The following MTR variants were observed in gnomAD, a reference collection of about 807,000 sequenced individuals.
MTR encodes the protein methionine synthase.
In MTR, 84 loss-of-function variants were observed where a neutral mutation model predicts 154.8. The observed-to-expected ratio is 0.54, with a 90% CI of 0.45 to 0.65. The LOEUF (loss-of-function observed/expected upper bound fraction) is 0.65, where lower values mean the gene tolerates loss of function less well. MTR is among the 30% of genes least tolerant of loss of function. MTR has a pLI of 0.00. For missense variants in MTR, 1,275 were observed against 1,570.2 expected, an observed-to-expected ratio of 0.81 and a Z score of 3.18; for synonymous variants, 554 against 553.9, an observed-to-expected ratio of 1.00 and a Z score of 0.00.
intron 9 of MTR, 85 bp downstream of exon 9, chr1:236,824,304 G>T: frequency 8.5e-7 from 1 of 1,182,348 alleles, no homozygotes; most frequent in Non-Finnish European, 1.3e-6. Flanking sequence ...TTGAATAAAA[G>T]ATCTTGTTTT....
chr1:236,808,971 A>G (rs895517656), intron 4 of MTR, among the ~76,000 whole-genome samples, 198 bp downstream of exon 4: 2 of 152,150 alleles, frequency 1.3e-5, no homozygotes, highest in African/African-American at 4.8e-5. Flanking sequence ...ATTGATGCCA[A>G]CTCTGTGGTC....
In MTR at chr1:236,897,345, T is replaced by C. The variant is rs75540224; in HGVS notation, c.3712-213T>C. Among the ~76,000 whole-genome samples the C allele has an allele frequency of 7.7e-3, 469 of 60,542 alleles. 2 individuals carry two copies. The highest frequency in any genetic ancestry group is 0.016 in the African/African-American group (245 of 15,040). 39.7% of individuals were successfully genotyped at this position (60,542 alleles called of 152,430 possible). A position where few individuals can be genotyped will look rare whatever the true frequency, so the allele number is the denominator to read the frequency against. On this transcript the variant is annotated intron_variant, in intron 32 of 32. Coordinates refer to ENST00000366577, the MANE Select transcript of MTR (RefSeq NM_000254.3). ...ACACACACACACACACACACACACA[T>C]ACAGCTTCTAAGCATCAGATGTTTA...
chr1:236,838,576 A>G lies in MTR; in HGVS notation c.1492A>G (p.Met498Val). ...IKKYGAAMVV[M>V]AFDEEGQATE... is the part of the protein sequence containing the mutation. ...AAAGTATGGAGCTGCTATGGTGGTCATGGCTTTTGATGAAGAAGGACAGGT... is the reference window on the plus strand; with the variant it reads ...AAAGTATGGAGCTGCTATGGTGGTCGTGGCTTTTGATGAAGAAGGACAGGT... Residue 498 changes from methionine (M) to valine (V), a missense_variant, in exon 15 of 33, where the codon ATG becomes GTG. By Grantham distance (21) the Met-to-Val change is conservative. Coordinates refer to ENST00000366577, the MANE Select transcript of MTR (RefSeq NM_000254.3). 4 of 1,614,174 alleles carry G rather than the reference A, an allele frequency of 2.5e-6. No individual in the cohort carries two copies. The highest frequency in any genetic ancestry group is 3.4e-6 in the Non-Finnish European group (4 of 1,180,006).
chr1:236,820,563 G>T, intron 8 of MTR: 1 of 560,502 alleles, frequency 1.8e-6, no homozygotes, highest in South Asian at 2.1e-5. Context: ...AAATAAGGCT[G>T]ATGGAAAATA....
intron 8 of MTR, among the ~76,000 whole-genome samples, chr1:236,822,674 A>G (rs188976165): frequency 3.3e-5 from 5 of 152,294 alleles, no homozygotes; most frequent in East Asian, 1.9e-4. Context: ...TGAGTTTTGT[A>G]TAGTTACCTT....
intron 22 of MTR, among the ~76,000 whole-genome samples, chr1:236,870,880 C>T (rs1665087300): frequency 6.6e-6 from 1 of 152,214 alleles, no homozygotes; most frequent in Non-Finnish European, 1.5e-5. Context: ...TTGCGTCATC[C>T]TCTCGTCAGA....
chr1:236,835,061 A>C (rs566950784), intron 13 of MTR, among the ~76,000 whole-genome samples: 2 of 152,274 alleles, frequency 1.3e-5, no homozygotes, highest in South Asian at 4.1e-4. Context: ...GAAGAGTTAT[A>C]TCATTTTGGA....
At chr1:236,874,615 C>G in intron 23 of MTR, 111 bp from the exon 24 acceptor site, 14 of 786,104 alleles carry the variant, frequency 1.8e-5, no homozygotes, top group Non-Finnish European at 2.0e-5. Flanking sequence ...CATGTTAGGT[C>G]TTTTGGTCTT....
At chr1:236,815,206 C>G (rs1029672596) in intron 6 of MTR, among the ~76,000 whole-genome samples, 1 of 152,198 alleles carries the variant, frequency 6.6e-6, no homozygotes, top group Non-Finnish European at 1.5e-5. Context: ...GTTCTGTCAT[C>G]AGGGCTGGAG....
chr1:236,900,598 T>G lies in MTR; in HGVS notation c.*2954T>G, dbSNP rs1011994007. The G allele has an allele frequency of 1.3e-5, 2 of 152,142 alleles. No individual in the cohort carries two copies. Among genetic ancestry groups the G allele is most frequent in the Non-Finnish European group, 2.9e-5 (2 of 68,026 alleles). The allele number at this position is 152,142 out of a possible 1,614,324, so 9.4% of individuals were successfully genotyped here. A position where few individuals can be genotyped will look rare whatever the true frequency, so the allele number is the denominator to read the frequency against. ...ATACTTTATAACTAATAGATAACAG[T>G]TTTTTACATATTAAATATGTTCTAC... On this transcript the variant is annotated 3_prime_UTR_variant, in exon 33 of 33. Coordinates refer to ENST00000366577, the MANE Select transcript of MTR (RefSeq NM_000254.3).
chr1:236,852,649 G>A lies in MTR; in HGVS notation c.1812+12G>A, dbSNP rs1213749804. 6.2e-7 allele frequency: 1 copy of A among 1,608,990 alleles called. No individual in the cohort carries two copies. Among genetic ancestry groups the A allele is most frequent in the Non-Finnish European group, 8.5e-7 (1 of 1,175,502 alleles). On this transcript the variant is annotated intron_variant, in intron 17 of 32. Transcript: ENST00000366577. ...ACCATGCAATCAAGGTATGGTAGAA[G>A]AACTCTTAGCCCTGCGGAAACCAGT...
intron 8 of MTR, among the ~76,000 whole-genome samples, chr1:236,817,294 T>TCCCCCTTTC (rs1040794005): frequency 6.6e-6 from 1 of 152,006 alleles, no homozygotes; most frequent in Non-Finnish European, 1.5e-5. Context: ...CTGGTCCCCT[T>TCCCCCTTTC]CCCCCTTTCC....
chr1:236,799,736 A>G (rs1572176497), intron 1 of MTR, among the ~76,000 whole-genome samples: 1 of 151,938 alleles, frequency 6.6e-6, no homozygotes, highest in Admixed American at 6.5e-5. Context: ...ATTTTTGTCT[A>G]TGGTGACTTT....
Position 236,834,134 on chromosome 1 carries a change from A to G in MTR, c.1189-1413A>G, listed in dbSNP as rs114282717. ...TCTTTTTATTCTTTATATTATTTAA[A>G]TTAGTATTGATACTAGAAAACATTT... On this transcript the variant is annotated intron_variant, in intron 13 of 32. Coordinates refer to ENST00000366577, the MANE Select transcript of MTR (RefSeq NM_000254.3). 4.1e-3 allele frequency among the ~76,000 whole-genome samples: 621 copies of G among 152,332 alleles called. 4 individuals are homozygous for G. The highest frequency in any genetic ancestry group is 0.014 in the African/African-American group (602 of 41,574).
chr1:236,826,872 G>A lies in MTR; in HGVS notation c.971G>A (p.Cys324Tyr), dbSNP rs1662317746. 2.5e-6 allele frequency: 4 copies of A among 1,613,978 alleles called. No homozygotes were observed. In the African/African-American group the frequency reaches 5.3e-5, roughly 22 times the overall value. Residue 324 changes from cysteine to tyrosine, a missense_variant, in exon 11 of 33, where the codon TGT becomes TAT. Cys to Tyr is a radical substitution (Grantham distance 194). Transcript: ENST00000366577. The stretch of plus-strand genomic sequence containing the variant: ...TTGGTCAATATAGTTGGAGGATGCT[G>A]TGGGTCAACACCAGATCATATCAGG... ...DGLVNIVGGC[C>Y]GSTPDHIREI...
At chr1:236,845,795 T>C (rs1663533822) in intron 15 of MTR, among the ~76,000 whole-genome samples, 2 of 152,228 alleles carry the variant, frequency 1.3e-5, no homozygotes, top group South Asian at 4.1e-4. Flanking sequence ...CTGTATACTT[T>C]CAAAGTTAAG....
chr1:236,896,155 T>C (rs2147957485), intron 31 of MTR, among the ~76,000 whole-genome samples: 1 of 152,364 alleles, frequency 6.6e-6, no homozygotes, highest in Middle Eastern at 3.4e-3. Flanking sequence ...CTCAGCGTCC[T>C]GTGCCCAGAG....
chr1:236,803,029 G>T (rs574451945), intron 1 of MTR, among the ~76,000 whole-genome samples: 2 of 152,304 alleles, frequency 1.3e-5, no homozygotes, highest in Admixed American at 6.5e-5. Flanking sequence ...ATATTTTAAA[G>T]AATAGTTTGG....
intron 6 of MTR, among the ~76,000 whole-genome samples, chr1:236,814,002 T>G (rs1298851308): frequency 3.9e-5 from 6 of 152,204 alleles, no homozygotes; most frequent in African/African-American, 1.4e-4. Flanking sequence ...AAATGGCCTT[T>G]TCCTCCGTAG....
Sources: allele counts gnomAD v4.1 joint callset (sites outside exome capture counted in the v4.1 genomes callset), GRCh38; gene constraint gnomAD v4.1.1; transcripts MANE v1.5; gene names NCBI Gene and HGNC (gene_info 2026-07-23, HGNC 2026-07-21).